Variants in SCARA3 observed in about 807,000 individuals in gnomAD.
SCARA3 encodes scavenger receptor class A member 3, also known as cellular stress response gene protein.
A neutral mutation model predicts 47.0 loss-of-function variants in SCARA3; 39 were observed. That is an observed-to-expected ratio of 0.83 (90% confidence interval 0.64 to 1.08). SCARA3 has a LOEUF of 1.08. SCARA3 is among the 50% of genes least tolerant of loss of function. The pLI is 0.00. For synonymous variants in SCARA3, 356 were observed against 334.1 expected, an observed-to-expected ratio of 1.07 and a Z score of -0.71; for missense variants, 724 against 792.3, an observed-to-expected ratio of 0.91 and a Z score of 1.04.
At chr8:27,667,627 G>A (rs1802044571) in intron 5 of SCARA3, among the ~76,000 whole-genome samples, 1 of 152,212 alleles carries the variant, frequency 6.6e-6, no homozygotes, top group African/African-American at 2.4e-5. Flanking sequence ...GTAAAATGGA[G>A]CAACAGCCTC....
chr8:27,697,701 G>C, the SCARA3 span, among the ~76,000 whole-genome samples: 1 of 152,134 alleles, frequency 6.6e-6, no homozygotes, highest in Non-Finnish European at 1.5e-5. Flanking sequence ...CATGGGTGTG[G>C]TTTCCTCATA....
At chr8:27,728,516 C>A in the SCARA3 span, among the ~76,000 whole-genome samples, 1 of 152,192 alleles carries the variant, frequency 6.6e-6, no homozygotes, top group African/African-American at 2.4e-5. Flanking sequence ...AGCGGCTAAT[C>A]CTCCCTAAAC....
Position 27,658,957 on chromosome 8 carries a change from A to G in SCARA3, c.787A>G (p.Ser263Gly). 6.2e-7 allele frequency: 1 copy of G among 1,614,128 alleles called. No homozygotes were observed. Among genetic ancestry groups the G allele is most frequent in the African/African-American group, 1.3e-5 (1 of 75,020 alleles). ...TDWQNYTRLF[S>G]GLRTTSTKTG... ...CTGGCAGAACTACACACGGCTCTTC[A>G]GCGGCCTGCGCACCACCTCCACCAA... The change falls in exon 5 of 6, where the codon AGC (serine) becomes GGC (glycine). Residue 263 changes from serine (S) to glycine (G), a missense_variant. Physicochemically the swap from Ser to Gly is moderately conservative, Grantham distance 56. Coordinates refer to ENST00000301904, the MANE Select transcript of SCARA3 (RefSeq NM_016240.3).
chr8:27,703,844 C>CTTTTTTTTTTTTTT, the SCARA3 span: 18 of 54,550 alleles, frequency 3.3e-4, 1 homozygote, highest in East Asian at 6.5e-4. Flanking sequence ...GTGCTTTCTA[C>CTTTTTTTTTTTTTT]TTTTTTTTTT....
Position 27,659,533 on chromosome 8 carries a change from C to T in SCARA3, c.1363C>T (p.Leu455=). The T allele has an allele frequency of 1.2e-6, 2 of 1,603,922 alleles. No homozygotes were observed. The highest frequency in any genetic ancestry group is 2.2e-5 in the South Asian group (2 of 89,716). The change falls in exon 5 of 6, where the codon CTA becomes TTA. Residue 455 remains leucine (L), a synonymous_variant. Transcript: ENST00000301904. ...HGEILRNVTI[L]RGAPGPPGPR... is the part of the protein sequence containing the mutation. Reference sequence around the variant, plus strand: ...AGAAATCCTTCGCAATGTCACCATCCTACGAGGTAAGAGCTGGGTCCAGGT... The same window carrying T: ...AGAAATCCTTCGCAATGTCACCATCTTACGAGGTAAGAGCTGGGTCCAGGT...
intron 5 of SCARA3, among the ~76,000 whole-genome samples, chr8:27,663,462 T>A (rs1216310162): frequency 6.6e-6 from 1 of 152,222 alleles, no homozygotes; most frequent in African/African-American, 2.4e-5. Flanking sequence ...CTTCAGCGCC[T>A]GCTCAGGCCA....
the SCARA3 span, among the ~76,000 whole-genome samples, chr8:27,709,131 A>G: frequency 2.0e-5 from 3 of 152,214 alleles, no homozygotes. Context: ...TTATTTATTT[A>G]ATTAAATGAA....
In SCARA3 at chr8:27,652,259, C is replaced by T. The variant is rs1000893405; in HGVS notation, c.226+632C>T. On this transcript the variant is annotated intron_variant, in intron 3 of 5. Coordinates refer to ENST00000301904, the MANE Select transcript of SCARA3 (RefSeq NM_016240.3). ...CACATTAGGGTTTGTAGTAGTTGACCTAGGTCACAGCACACAGCCAGAGGC... is the reference window on the plus strand; with the variant it reads ...CACATTAGGGTTTGTAGTAGTTGACTTAGGTCACAGCACACAGCCAGAGGC... 2.6e-4 allele frequency among the ~76,000 whole-genome samples: 39 copies of T among 152,168 alleles called. 1 individual carries two copies. Among genetic ancestry groups the T allele is most frequent in the Non-Finnish European group, 2.9e-5 (2 of 68,030 alleles).
At chr8:27,685,577 T>C in the SCARA3 span, among the ~76,000 whole-genome samples, 3 of 152,200 alleles carry the variant, frequency 2.0e-5, no homozygotes, top group Non-Finnish European at 4.4e-5. Context: ...AAACTAGGAA[T>C]AAAAGGGAAC....
intron 1 of SCARA3, among the ~76,000 whole-genome samples, chr8:27,637,840 C>T (rs573761642): frequency 3.9e-5 from 6 of 152,122 alleles, no homozygotes; most frequent in African/African-American, 1.2e-4. Flanking sequence ...CTCCTCTGGC[C>T]GAGAGGAGAG....
In SCARA3 at chr8:27,671,129, G is replaced by C. The variant is rs201210049; in HGVS notation, c.1599G>C (p.Pro533=). 5.1e-6 allele frequency: 8 copies of C among 1,579,184 alleles called. No individual in the cohort carries two copies. Among genetic ancestry groups the C allele is most frequent in the Middle Eastern group, 1.9e-4 (1 of 5,390 alleles). The change falls in exon 6 of 6, where the codon CCG becomes CCC. Residue 533 remains proline, a synonymous_variant. Coordinates refer to ENST00000301904, the MANE Select transcript of SCARA3 (RefSeq NM_016240.3). ...AGGGCAGCTTTGGAACTGGAGGGCC[G>C]AGAGGACAGCCAGGCCCAAAAGGGG... The part of the protein sequence containing the change: ...GSKGSFGTGG[P]RGQPGPKGDI...
chr8:27,670,201 C>G (rs918323874), intron 5 of SCARA3, among the ~76,000 whole-genome samples: 3 of 152,200 alleles, frequency 2.0e-5, no homozygotes, highest in Non-Finnish European at 2.9e-5. Flanking sequence ...GCATTCCAGG[C>G]TCTGTGTCCA....
chr8:27,658,067 C>T (rs773085850), intron 4 of SCARA3, among the ~76,000 whole-genome samples: 61 of 152,158 alleles, frequency 4.0e-4, no homozygotes, highest in Middle Eastern at 3.2e-3. Flanking sequence ...CACCAATATA[C>T]GTGGCTATTT....
the SCARA3 span, among the ~76,000 whole-genome samples, chr8:27,700,090 T>C: frequency 6.6e-6 from 1 of 152,154 alleles, no homozygotes; most frequent in African/African-American, 2.4e-5. Context: ...ATACATAAGA[T>C]AATTTTTGTG....
chr8:27,677,538 C>T (rs1802297299), downstream of SCARA3, among the ~76,000 whole-genome samples: 1 of 152,150 alleles, frequency 6.6e-6, no homozygotes, highest in Non-Finnish European at 1.5e-5. Context: ...ACCAGAAAAT[C>T]GATAGCTTAA....
intron 1 of SCARA3, among the ~76,000 whole-genome samples, chr8:27,635,284 A>G (rs1000679516): frequency 6.6e-6 from 1 of 152,074 alleles, no homozygotes; most frequent in Non-Finnish European, 1.5e-5. Flanking sequence ...GGCTCCACCG[A>G]CAAACTTCTG....
intron 1 of SCARA3, among the ~76,000 whole-genome samples, chr8:27,639,829 A>C (rs1232164596): frequency 1.3e-5 from 2 of 152,180 alleles, no homozygotes; most frequent in African/African-American, 4.8e-5. Context: ...AGAAAGTTCC[A>C]AGGGGGAGGA....
intron 5 of SCARA3, among the ~76,000 whole-genome samples, chr8:27,663,828 C>T (rs569915156): frequency 2.0e-5 from 3 of 152,340 alleles, no homozygotes; most frequent in African/African-American, 7.2e-5. Flanking sequence ...AGCAAAGCAG[C>T]TTGCATGGCA....
chr8:27,731,105 T>C, the SCARA3 span, among the ~76,000 whole-genome samples: 7 of 149,410 alleles, frequency 4.7e-5, no homozygotes, highest in East Asian at 1.4e-3. Context: ...TTTTTTCTTT[T>C]TTTTTTTTTA....
Sources: gnomAD v4.1 joint callset for allele counts (sites outside exome capture counted in the v4.1 genomes callset) on GRCh38, gnomAD v4.1.1 for gene constraint, MANE v1.5 for transcripts, NCBI Gene and HGNC (gene_info 2026-07-23, HGNC 2026-07-21) for gene names.